OLFML2B: variants seen among roughly 807,000 people sequenced by gnomAD.
OLFML2B encodes olfactomedin-like protein 2B.
OLFML2B carries 57 observed loss-of-function variants against 74.9 expected under a neutral mutation model. The ratio of observed to expected loss-of-function variants is 0.76; its 90% CI spans 0.61 to 0.95. The LOEUF (loss-of-function observed/expected upper bound fraction) is 0.95, where lower values mean the gene tolerates loss of function less well. OLFML2B is among the 40% of genes least tolerant of loss of function. The probability of loss-of-function intolerance (pLI) is 0.00; values close to 1 mark genes in which losing one functional copy is unlikely to be tolerated. For missense variants in OLFML2B, 986 were observed against 970.6 expected (o/e 1.02, Z -0.21); for synonymous variants, 388 against 405.8 (o/e 0.96, Z 0.53).
chr1:162,001,162 A>G (rs1383199627), intron 4 of OLFML2B, among the ~76,000 whole-genome samples: 4 of 152,216 alleles, frequency 2.6e-5, no homozygotes, highest in South Asian at 2.1e-4. Flanking sequence ...CAGGTCCCCA[A>G]GGAAATACTC....
At chr1:162,016,060 C>T (rs766331701) in intron 3 of OLFML2B, among the ~76,000 whole-genome samples, 4 of 152,148 alleles carry the variant, frequency 2.6e-5, no homozygotes, top group Admixed American at 6.5e-5. Flanking sequence ...GTTCACTTTC[C>T]GGGAAAATTT....
Position 162,023,279 on chromosome 1 carries a change from T to C in OLFML2B, c.152A>G (p.Asn51Ser). The change falls in exon 1 of 8, where the codon AAC becomes AGC. Residue 51 changes from asparagine (N) to serine (S), a missense_variant. Coordinates refer to ENST00000294794, the MANE Select transcript of OLFML2B (RefSeq NM_015441.3). ...EDETLQNEAD[N>S]QENVLSQLLG... Reference sequence around the variant, plus strand: ...TACCTGAGATAAAACGTTCTCCTGGTTGTCCGCCTCGTTTTGCAGAGTCTC... The same window carrying C: ...TACCTGAGATAAAACGTTCTCCTGGCTGTCCGCCTCGTTTTGCAGAGTCTC... The C allele has an allele frequency of 3.8e-6, 6 of 1,561,368 alleles. No homozygotes were observed. Among genetic ancestry groups the C allele is most frequent in the Admixed American group, 3.6e-5 (2 of 55,316 alleles).
chr1:161,991,246 C>T (rs1377542580), intron 6 of OLFML2B, among the ~76,000 whole-genome samples: 1 of 152,188 alleles, frequency 6.6e-6, no homozygotes, highest in Non-Finnish European at 1.5e-5. Flanking sequence ...TCAGAGGAAT[C>T]ATTATCTATG....
chr1:161,984,887 G>A lies in OLFML2B; in HGVS notation c.1568C>T (p.Ala523Val), dbSNP rs1406538477. ...GGTTACGTAAATCCGCTCATCCTTG[G>A]CCAGGGGGTCCTTCATCCAGGCCCC... ...NEGAWMKDPL[A>V]KDERIYVTNY... The change falls in exon 7 of 8, where the codon GCC becomes GTC. Residue 523 changes from alanine to valine, a missense_variant. Transcript: ENST00000294794. 3.1e-6 allele frequency: 5 copies of A among 1,612,314 alleles called. No homozygotes were observed. The highest frequency in any genetic ancestry group is 4.2e-6 in the Non-Finnish European group (5 of 1,179,778).
chr1:162,005,660 C>T (rs538506027), intron 4 of OLFML2B, among the ~76,000 whole-genome samples: 17 of 152,132 alleles, frequency 1.1e-4, no homozygotes, highest in South Asian at 6.2e-4. Context: ...GGGAGGCTGA[C>T]GCAGAAGGAT....
At chr1:161,984,594 C>T (rs573642359) in intron 7 of OLFML2B, among the ~76,000 whole-genome samples, 13 of 152,130 alleles carry the variant, frequency 8.5e-5, no homozygotes, top group South Asian at 6.3e-4. Context: ...TTCCATGTCC[C>T]AGGAGCTCAG....
chr1:162,022,064 A>T (rs1690717339), intron 1 of OLFML2B, among the ~76,000 whole-genome samples: 1 of 152,040 alleles, frequency 6.6e-6, no homozygotes, highest in Non-Finnish European at 1.5e-5. Flanking sequence ...AGGTACAGGC[A>T]GCCCTGGAGG....
Position 161,983,943 on chromosome 1 carries a change from G to GTC in OLFML2B, c.1983_1984dup (p.Thr662ArgfsTer64). 1 of 1,614,216 alleles carries GTC rather than the reference G, an allele frequency of 6.2e-7. No individual in the cohort carries two copies. The highest frequency in any genetic ancestry group is 8.5e-7 in the Non-Finnish European group (1 of 1,180,040). On this transcript the variant is annotated frameshift_variant, in exon 8 of 8. Coordinates refer to ENST00000294794, the MANE Select transcript of OLFML2B (RefSeq NM_015441.3). LOFTEE classifies it high-confidence loss of function. ...CCTCCGGAGCCCCGTGCGCCATGTG[G>GTC]TCTCCTTCTGTGTGCTCAGGTCCGC...
At position 161,983,816 on chromosome 1, in the gene OLFML2B, G is replaced by C. The variant is rs774082481; in HGVS notation, c.2112C>G (p.Thr704=). ...GCAGCCTGGGGACGATCTGTGTGTTGGTGTGGGTGTCGAAAGCGTAGGAGA... is the reference window on the plus strand; with the variant it reads ...GCAGCCTGGGGACGATCTGTGTGTTCGTGTGGGTGTCGAAAGCGTAGGAGA... ...ANISYAFDTH[T]NTQIVPRLLF... The change falls in exon 8 of 8, where the codon ACC becomes ACG. Residue 704 remains threonine (T), a synonymous_variant. Transcript: ENST00000294794. 5.0e-6 allele frequency: 8 copies of C among 1,614,156 alleles called. No homozygotes were observed. The South Asian group carries it at 8.8e-5, about 18-fold the overall frequency.
At chr1:162,019,706 G>T (rs1690642448) in intron 2 of OLFML2B, among the ~76,000 whole-genome samples, 1 of 152,134 alleles carries the variant, frequency 6.6e-6, no homozygotes, top group Non-Finnish European at 1.5e-5. Flanking sequence ...CCATAAGGAG[G>T]GGTAGGCACA....
At chr1:161,991,410 G>A (rs1689739530) in intron 6 of OLFML2B, among the ~76,000 whole-genome samples, 2 of 152,186 alleles carry the variant, frequency 1.3e-5, no homozygotes, top group Admixed American at 6.5e-5. Flanking sequence ...TGGGTGATTA[G>A]GTGCATTGTC....
At position 162,020,096 on chromosome 1, in the gene OLFML2B, A is replaced by C. The variant is rs1267052910; in HGVS notation, c.261T>G (p.Asp87Glu). The stretch of plus-strand genomic sequence containing the variant: ...CCCCCGCATTGATCCTCTGGCAGGC[A>C]TCCCGGCCCAGGGGTCTCACCACAC... ...CKCVVRPLGR[D>E]ACQRINAGAS... The change falls in exon 2 of 8, where the codon GAT becomes GAG. Residue 87 changes from aspartate to glutamate, a missense_variant. Physicochemically the swap from Asp to Glu is conservative, Grantham distance 45. Transcript: ENST00000294794. The C allele has an allele frequency of 1.2e-6, 2 of 1,614,090 alleles. No homozygotes were observed. Among genetic ancestry groups the C allele is most frequent in the Non-Finnish European group, 1.7e-6 (2 of 1,180,034 alleles).
At chr1:162,014,071 C>T (rs1370910758) in intron 3 of OLFML2B, among the ~76,000 whole-genome samples, 1 of 151,938 alleles carries the variant, frequency 6.6e-6, no homozygotes, top group East Asian at 1.9e-4. Context: ...TAAAGGTTCC[C>T]CTGAGGGAAG....
intron 2 of OLFML2B, among the ~76,000 whole-genome samples, chr1:162,019,703 G>A (rs998847337): frequency 2.6e-5 from 4 of 152,130 alleles, no homozygotes; most frequent in Admixed American, 2.0e-4. Context: ...GCTCCATAAG[G>A]AGGGGTAGGC....
intron 3 of OLFML2B, among the ~76,000 whole-genome samples, chr1:162,009,044 C>T (rs573954372): frequency 6.6e-6 from 1 of 152,280 alleles, no homozygotes; most frequent in South Asian, 2.1e-4. Context: ...TTTATTAAGG[C>T]GTTCACGTGC....
At chr1:162,014,148 G>C (rs1400862085) in intron 3 of OLFML2B, among the ~76,000 whole-genome samples, 1 of 152,098 alleles carries the variant, frequency 6.6e-6, no homozygotes, top group Admixed American at 6.6e-5. Context: ...TCTTGAGCTG[G>C]TTGGTGGTTA....
At position 162,023,572 on chromosome 1, in the gene OLFML2B, A is replaced by G. The variant is rs1004060867; in HGVS notation, c.-142T>C. On this transcript the variant is annotated 5_prime_UTR_variant, in exon 1 of 8. Coordinates refer to ENST00000294794, the MANE Select transcript of OLFML2B (RefSeq NM_015441.3). ...CACCTTCTAAAGCTGGGTGCGGCTG[A>G]GCGGGACGGGAGGGTGCGCCCCAGA... 28 of 800,738 alleles carry G rather than the reference A, an allele frequency of 3.5e-5. No homozygotes were observed. Among genetic ancestry groups the G allele is most frequent in the Admixed American group, 1.5e-4 (4 of 27,102 alleles). 49.6% of individuals were successfully genotyped at this position (800,738 alleles called of 1,614,324 possible).
chr1:162,023,272 C>A lies in OLFML2B; in HGVS notation c.159G>T (p.Glu53Asp). The A allele has an allele frequency of 6.4e-7, 1 of 1,553,470 alleles. No homozygotes were observed. Among genetic ancestry groups the A allele is most frequent in the South Asian group, 1.2e-5 (1 of 83,634 alleles). ...TGCATCCTACCTGAGATAAAACGTT[C>A]TCCTGGTTGTCCGCCTCGTTTTGCA... is the stretch of plus-strand genomic sequence containing the variant. ...ETLQNEADNQ[E>D]NVLSQLLGDY... Residue 53 changes from glutamate (E) to aspartate (D), a missense_variant, in exon 1 of 8, where the codon GAG becomes GAT. Coordinates refer to ENST00000294794, the MANE Select transcript of OLFML2B (RefSeq NM_015441.3).
chr1:162,022,065 G>A (rs1690717413), intron 1 of OLFML2B, among the ~76,000 whole-genome samples: 1 of 152,052 alleles, frequency 6.6e-6, no homozygotes, highest in South Asian at 2.1e-4. Context: ...GGTACAGGCA[G>A]CCCTGGAGGA....
Sources: allele counts gnomAD v4.1 joint callset (sites outside exome capture counted in the v4.1 genomes callset), GRCh38; gene constraint gnomAD v4.1.1; transcripts MANE v1.5; gene names NCBI Gene and HGNC (gene_info 2026-07-23, HGNC 2026-07-21).